NUP107: variants seen among roughly 807,000 people sequenced by gnomAD.
The protein encoded by NUP107 is nuclear pore complex protein Nup107.
Under a neutral mutation model 141.0 loss-of-function variants are expected in NUP107, and 101 were observed. The ratio of observed to expected loss-of-function variants is 0.72; its 90% CI spans 0.61 to 0.84. The LOEUF is 0.84. NUP107 is among the 40% of genes least tolerant of loss of function. The pLI, the probability that NUP107 is intolerant of heterozygous loss-of-function variation, is 0.00. For synonymous variants in NUP107, 319 were observed against 363.9 expected (o/e 0.88, Z 1.41); for missense variants, 941 against 1,102.7 (o/e 0.85, Z 2.08).
At chr12:68,737,064 C>CA (rs1878106161) in intron 26 of NUP107, among the ~76,000 whole-genome samples, 1 of 152,180 alleles carries the variant, frequency 6.6e-6, no homozygotes, top group Non-Finnish European at 1.5e-5. Flanking sequence ...TTAAACCTTC[C>CA]ACAGGTTCCT....
chr12:68,734,824 G>A lies in NUP107; in HGVS notation c.2379G>A (p.Lys793=). The A allele has an allele frequency of 6.2e-7, 1 of 1,611,714 alleles. No homozygotes were observed. Among genetic ancestry groups the A allele is most frequent in the Non-Finnish European group, 8.5e-7 (1 of 1,179,410 alleles). ...TEKVAHEHKE[K]KYEMDFGIWK... is the part of the protein sequence containing the mutation. ...AAGTGGCTCATGAACACAAAGAAAA[G>A]AAATATGAAGTAAGTTAAATATGGA... Residue 793 remains lysine (K), a synonymous_variant, in exon 25 of 28, where the codon AAG becomes AAA. Transcript: ENST00000229179.
chr12:68,698,009 T>TA (rs1876151212), intron 6 of NUP107, among the ~76,000 whole-genome samples: 1 of 147,752 alleles, frequency 6.8e-6, no homozygotes, highest in African/African-American at 2.5e-5. Flanking sequence ...GCCCGGGCGA[T>TA]AGAGTGAGAC....
chr12:68,690,881 A>G, intron 4 of NUP107, 135 bp downstream of exon 4: 1 of 765,696 alleles, frequency 1.3e-6, no homozygotes, highest in South Asian at 1.9e-5. Flanking sequence ...GGAGTTTGAG[A>G]CTAGCCTGCT....
At chr12:68,687,336 G>C (rs1411436871) in intron 1 of NUP107, 1 of 754,982 alleles carries the variant, frequency 1.3e-6, no homozygotes, top group Admixed American at 3.7e-5. Flanking sequence ...CAGCAACACT[G>C]TTCGCTCCTG....
rs1445894316 is a variant in NUP107 at position 68,727,354 on chromosome 12, G to A, written c.1699G>A (p.Glu567Lys). Residue 567 changes from glutamate (E) to lysine (K), a missense_variant, in exon 20 of 28, where the codon GAA becomes AAA. Physicochemically the swap from Glu to Lys is moderately conservative, Grantham distance 56. Coordinates refer to ENST00000229179, the MANE Select transcript of NUP107 (RefSeq NM_020401.4). ...TATGTCTTTTTTTCCTATGAAGGAG[G>A]AAGTTTCTATTGAAGTTTTAAAGAC... ...FRTLGLQTKE[E>K]VSIEVLKTYI... 2 of 1,499,012 alleles carry A rather than the reference G, an allele frequency of 1.3e-6. No homozygotes were observed. Among genetic ancestry groups the A allele is most frequent in the East Asian group, 4.6e-5 (2 of 43,950 alleles). 92.9% of individuals were successfully genotyped at this position (1,499,012 alleles called of 1,614,324 possible).
intron 24 of NUP107, 149 bp downstream of exon 24, chr12:68,733,761 C>T (rs1227899721): frequency 4.6e-6 from 3 of 646,260 alleles, no homozygotes; most frequent in East Asian, 5.7e-5. Flanking sequence ...AGGGGACTGA[C>T]TTCATGACCT....
rs1332892825 is a variant in NUP107, at chr12:68,721,832, G to A, written c.1312-9G>A. On this transcript the variant is annotated splice_polypyrimidine_tract_variant and intron_variant, in intron 15 of 27. Coordinates refer to ENST00000229179, the MANE Select transcript of NUP107 (RefSeq NM_020401.4). Reference sequence around the variant, plus strand: ...GTCTATATGTTTCTGTTTTGTAATGGGGAAAAAGCTGCTTCCTGTCTGTGA... The same window carrying A: ...GTCTATATGTTTCTGTTTTGTAATGAGGAAAAAGCTGCTTCCTGTCTGTGA... 6.8e-6 allele frequency: 11 copies of A among 1,608,910 alleles called. No individual in the cohort carries two copies. Among genetic ancestry groups the A allele is most frequent in the South Asian group, 1.1e-5 (1 of 89,918 alleles).
chr12:68,705,594 C>T (rs574101211), intron 8 of NUP107: 29 of 396,400 alleles, frequency 7.3e-5, no homozygotes, highest in Non-Finnish European at 1.4e-4. Context: ...CTCGAATCTC[C>T]GCCTAGCTCA....
chr12:68,694,306 T>A (rs1457020834), intron 5 of NUP107, among the ~76,000 whole-genome samples: 5 of 152,230 alleles, frequency 3.3e-5, no homozygotes, highest in African/African-American at 1.2e-4. Context: ...TAAAATATAA[T>A]TCAGATATTT....
In NUP107 at chr12:68,722,087, C is replaced by T. The variant is rs942149317; in HGVS notation, c.1458-17C>T. ...CATATTATTAACATTATTCTTTTCCCGTTGTTTCTTTTGAAGCTGGACGTT... is the reference window on the plus strand; with the variant it reads ...CATATTATTAACATTATTCTTTTCCTGTTGTTTCTTTTGAAGCTGGACGTT... On this transcript the variant is annotated splice_polypyrimidine_tract_variant and intron_variant, in intron 16 of 27. Coordinates refer to ENST00000229179, the MANE Select transcript of NUP107 (RefSeq NM_020401.4). The T allele has an allele frequency of 1.2e-5, 20 of 1,611,978 alleles. No individual in the cohort carries two copies. In the African/African-American group the frequency reaches 1.6e-4, roughly 13 times the overall value.
intron 9 of NUP107, 101 bp downstream of exon 9, chr12:68,709,410 T>A: frequency 1.6e-6 from 1 of 634,772 alleles, no homozygotes; most frequent in Non-Finnish European, 2.6e-6. Flanking sequence ...GTTTTCTGAA[T>A]TTTTTTTCTA....
chr12:68,741,874 C>T lies in NUP107; in HGVS notation c.2564C>T (p.Pro855Leu), dbSNP rs1878332837. 1 of 1,613,782 alleles carries T rather than the reference C, an allele frequency of 6.2e-7. No individual in the cohort carries two copies. The highest frequency in any genetic ancestry group is 8.5e-7 in the Non-Finnish European group (1 of 1,179,950). Residue 855 changes from proline to leucine, a missense_variant, in exon 27 of 28, where the codon CCA becomes CTA. Pro to Leu is a moderately conservative substitution (Grantham distance 98, BLOSUM62 -3). Coordinates refer to ENST00000229179, the MANE Select transcript of NUP107 (RefSeq NM_020401.4). ...QMVLLRKLCL[P>L]MLCFLLHTIL... is the part of the protein sequence containing the mutation. The stretch of plus-strand genomic sequence containing the variant: ...GTCTTACTGAGAAAGCTTTGTCTGC[C>T]AATGTTGTGTTTTCTGCTTCATACG...
chr12:68,692,202 TTTTTC>T (rs1875832420), intron 5 of NUP107, 90 bp downstream of exon 5: 1 of 1,282,774 alleles, frequency 7.8e-7, no homozygotes, highest in Non-Finnish European at 1.1e-6. Context: ...CGTCATTATG[TTTTTC>T]TTTTCTTTCT....
Position 68,727,331 on chromosome 12 carries a change from T to C in NUP107, c.1696-20T>C, listed in dbSNP as rs776653480. 6.8e-6 allele frequency: 9 copies of C among 1,320,760 alleles called. No homozygotes were observed. Among genetic ancestry groups the C allele is most frequent in the East Asian group, 2.3e-5 (1 of 43,150 alleles). 81.8% of individuals were successfully genotyped at this position (1,320,760 alleles called of 1,614,324 possible). A position where few individuals can be genotyped will look rare whatever the true frequency, so the allele number is the denominator to read the frequency against. ...CATATAAGCAGTGTATTTATAATTA[T>C]GTCTTTTTTTCCTATGAAGGAGGAA... On this transcript the variant is annotated intron_variant, in intron 19 of 27. Coordinates refer to ENST00000229179, the MANE Select transcript of NUP107 (RefSeq NM_020401.4).
chr12:68,715,226 T>G (rs557201002), intron 11 of NUP107, among the ~76,000 whole-genome samples: 23 of 152,366 alleles, frequency 1.5e-4, no homozygotes, highest in African/African-American at 5.5e-4. Context: ...CCAGGCGCAG[T>G]GGTTCACGCC....
chr12:68,699,772 T>G (rs1383636633), intron 6 of NUP107, among the ~76,000 whole-genome samples: 1 of 152,224 alleles, frequency 6.6e-6, no homozygotes, highest in African/African-American at 2.4e-5. Flanking sequence ...TAGTAACCTT[T>G]GAGAAAGATT....
At chr12:68,697,726 A>G (rs1876136920) in intron 6 of NUP107, among the ~76,000 whole-genome samples, 1 of 152,190 alleles carries the variant, frequency 6.6e-6, no homozygotes, top group Non-Finnish European at 1.5e-5. Flanking sequence ...CAGATGGCAA[A>G]TAAGCATATA....
rs1877882226 is a variant in NUP107 at position 68,732,648 on chromosome 12, A to G, written c.2010A>G (p.Leu670=). Residue 670 remains leucine (L), a synonymous_variant, in exon 23 of 28, where the codon TTA becomes TTG. Transcript: ENST00000229179. Reference sequence around the variant, plus strand: ...CCTTTAATAAATAGGAGGATCGTTTAAAAATTGATGTAATTGACTGGTTGG... The same window carrying G: ...CCTTTAATAAATAGGAGGATCGTTTGAAAATTGATGTAATTGACTGGTTGG... ...LDTGTTEEDR[L]KIDVIDWLVF... 1.9e-6 allele frequency: 3 copies of G among 1,592,232 alleles called. No homozygotes were observed. Among genetic ancestry groups the G allele is most frequent in the African/African-American group, 1.3e-5 (1 of 74,466 alleles).
Position 68,743,259 on chromosome 12 carries a change from G to T in NUP107, c.*797G>T, listed in dbSNP as rs1209722055. On this transcript the variant is annotated 3_prime_UTR_variant, in exon 28 of 28. Coordinates refer to ENST00000229179, the MANE Select transcript of NUP107 (RefSeq NM_020401.4). ...CTAAAAAAATACAAAAATTAGCCGG[G>T]CATGGTGGCAGGTGCCTGTAATCCC... 1 of 152,252 alleles carries T rather than the reference G, an allele frequency of 6.6e-6. No homozygotes were observed. Among genetic ancestry groups the T allele is most frequent in the Non-Finnish European group, 1.5e-5 (1 of 68,120 alleles). The allele number at this position is 152,252 out of a possible 1,614,324, so 9.4% of individuals were successfully genotyped here. A position where few individuals can be genotyped will look rare whatever the true frequency, so the allele number is the denominator to read the frequency against.
Sources: gnomAD v4.1 joint callset for allele counts (sites outside exome capture counted in the v4.1 genomes callset) on GRCh38, gnomAD v4.1.1 for gene constraint, MANE v1.5 for transcripts, NCBI Gene and HGNC (gene_info 2026-07-23, HGNC 2026-07-21) for gene names.